TNC: variants seen among roughly 807,000 people sequenced by gnomAD.
The protein encoded by TNC is tenascin.
In TNC, 109 loss-of-function variants were observed where a neutral mutation model predicts 202.4. The observed-to-expected ratio is 0.54, with a 90% CI of 0.46 to 0.63. TNC has a LOEUF of 0.63. Among genes scored for constraint, TNC ranks in the 30% least tolerant of loss-of-function variants. The pLI is 0.00. For synonymous variants in TNC, 1,007 were observed against 1,089.7 expected (o/e 0.92, Z 1.50); for missense variants, 2,756 against 2,833.3 (o/e 0.97, Z 0.62).
rs575644293 is a variant in TNC at position 115,038,284 on chromosome 9, A to C, written c.5489T>G (p.Val1830Gly). ...ACCTTTCTCGCCTGTGTAGGAGATG[A>C]CATAACTGTCCACAGTGGCAATGGC... ...QPAIATVDSY[V>G]ISYTGEKVPE... The change falls in exon 20 of 28, where the codon GTC (valine) becomes GGC (glycine). Residue 1830 changes from valine (V) to glycine (G), a missense_variant. By Grantham distance (109) the Val-to-Gly change is moderately radical. Transcript: ENST00000350763. The C allele has an allele frequency of 1.2e-6, 2 of 1,613,988 alleles. No homozygotes were observed. Among genetic ancestry groups the C allele is most frequent in the Admixed American group, 1.7e-5 (1 of 60,016 alleles).
intron 10 of TNC, 78 bp downstream of exon 10, chr9:115,073,525 G>C (rs556640097): frequency 6.5e-7 from 1 of 1,533,376 alleles, no homozygotes; most frequent in Admixed American, 1.9e-5. Flanking sequence ...GCTTTCTCAT[G>C]TGAGGACACC....
chr9:115,046,599 C>T lies in TNC; in HGVS notation c.4936G>A (p.Val1646Ile), dbSNP rs1353597727. The T allele has an allele frequency of 8.1e-6, 13 of 1,613,908 alleles. No individual in the cohort carries two copies. The Admixed American group carries it at 1.5e-4, about 19-fold the overall frequency. The change falls in exon 17 of 28, where the codon GTC becomes ATC. Residue 1646 changes from valine (V) to isoleucine (I), a missense_variant. Physicochemically the swap from Val to Ile is conservative, Grantham distance 29. Around this residue, in one of 2 missense-constraint regions of TNC, gnomAD observed 2,559 missense variants for 2,546.0 expected, o/e 1.01. Coordinates refer to ENST00000350763, the MANE Select transcript of TNC (RefSeq NM_002160.4). ...ATTTTGAGAACAAAATTGTCGAAGA[C>T]CCCTTCATCAGCTGTCCAGGACAGA... Reference protein sequence around the residue: ...FRLSWTADEGVFDNFVLKIRD... With the variant: ...FRLSWTADEGIFDNFVLKIRD...
intron 12 of TNC, 46 bp downstream of exon 12, chr9:115,063,750 C>A: frequency 6.3e-7 from 1 of 1,575,766 alleles, no homozygotes; most frequent in South Asian, 1.2e-5. Context: ...TCCTCCCGAG[C>A]AGAGACAAAG....
In TNC at chr9:115,048,503, T is replaced by C. The variant is rs1421315565; in HGVS notation, c.4609A>G (p.Ile1537Val). The C allele has an allele frequency of 1.9e-6, 3 of 1,613,346 alleles. No individual in the cohort carries two copies. The highest frequency in any genetic ancestry group is 2.2e-5 in the East Asian group (1 of 44,878). ...AACCCGTAGGGATTAATGTCGGAAA[T>C]GGTTAGGTTTTCCAGAAGGGGCAGG... ...EALPLLENLT[I>V]SDINPYGFTV... Residue 1537 changes from isoleucine to valine, a missense_variant, in exon 16 of 28, where the codon ATT becomes GTT. Physicochemically the swap from Ile to Val is conservative, Grantham distance 29 (BLOSUM62 3). This residue lies in a region of TNC where 2,559 missense variants were observed against 2,546.0 expected (regional missense o/e 1.01). Coordinates refer to ENST00000350763, the MANE Select transcript of TNC (RefSeq NM_002160.4).
At chr9:115,027,328 G>A (rs940817887) in intron 25 of TNC, among the ~76,000 whole-genome samples, 1 of 151,612 alleles carries the variant, frequency 6.6e-6, no homozygotes, top group African/African-American at 2.4e-5. Context: ...GGTGGCTCAC[G>A]CCCATAATCC....
chr9:115,048,249 A>T lies in TNC; in HGVS notation c.4852+11T>A. 6.2e-7 allele frequency: 1 copy of T among 1,609,728 alleles called. No individual in the cohort carries two copies. The highest frequency in any genetic ancestry group is 8.5e-7 in the Non-Finnish European group (1 of 1,177,192). On this transcript the variant is annotated intron_variant, in intron 16 of 27. Coordinates refer to ENST00000350763, the MANE Select transcript of TNC (RefSeq NM_002160.4). Reference sequence around the variant, plus strand: ...GGAAGAGGAACAAATGGCTCACTTGATTTGAAATACCTGTAACAATCTCAG... The same window carrying T: ...GGAAGAGGAACAAATGGCTCACTTGTTTTGAAATACCTGTAACAATCTCAG...
chr9:115,037,854 T>G (rs1417632157), intron 20 of TNC, among the ~76,000 whole-genome samples: 1 of 152,258 alleles, frequency 6.6e-6, no homozygotes, highest in African/African-American at 2.4e-5. Flanking sequence ...TAATTAAATC[T>G]GCTAAAACTA....
intron 26 of TNC, 136 bp from the exon 27 acceptor site, chr9:115,024,272 G>T: frequency 2.4e-6 from 2 of 829,118 alleles, no homozygotes; most frequent in Non-Finnish European, 3.8e-6. Context: ...CCCAGAGTCA[G>T]CATTGAATGC....
rs145446426 is a variant in TNC at position 115,062,923 on chromosome 9, C to T, written c.4027G>A (p.Val1343Ile). Reference sequence around the variant, plus strand: ...TGGGAGGAGGGTCATATACCTGTGACGACCTCTACAGCAAGGGGTCGAGTG... The same window carrying T: ...TGGGAGGAGGGTCATATACCTGTGATGACCTCTACAGCAAGGGGTCGAGTG... ...HSTRPLAVEV[V>I]TEDLPQLGDL... The change falls in exon 13 of 28, where the codon GTC becomes ATC. Residue 1343 changes from valine to isoleucine, a missense_variant. Coordinates refer to ENST00000350763, the MANE Select transcript of TNC (RefSeq NM_002160.4). 5.3e-5 allele frequency: 85 copies of T among 1,612,484 alleles called. No individual in the cohort carries two copies. The highest frequency in any genetic ancestry group is 1.7e-4 in the Middle Eastern group (1 of 5,914).
chr9:115,100,706 A>T (rs1343148250), intron 1 of TNC, among the ~76,000 whole-genome samples: 1 of 152,174 alleles, frequency 6.6e-6, no homozygotes, highest in Non-Finnish European at 1.5e-5. Flanking sequence ...CAAATTTGCT[A>T]AGATAGTAGT....
intron 13 of TNC, among the ~76,000 whole-genome samples, chr9:115,060,259 C>T (rs919002467): frequency 2.0e-5 from 3 of 152,112 alleles, no homozygotes; most frequent in African/African-American, 7.2e-5. Context: ...ATGCACAACC[C>T]ACCGGGAGCA....
intron 10 of TNC, among the ~76,000 whole-genome samples, chr9:115,072,395 C>T (rs1833532349): frequency 6.6e-6 from 1 of 152,240 alleles, no homozygotes; most frequent in African/African-American, 2.4e-5. Flanking sequence ...CCTGTACCTC[C>T]CAGCTCCAGA....
rs1384884310 is a variant in TNC, at chr9:115,048,405, C to T, written c.4707G>A (p.Leu1569=). The change falls in exon 16 of 28, where the codon CTG becomes CTA. Residue 1569 remains leucine (L), a synonymous_variant. Transcript: ENST00000350763. ...AAAGTGTGAATTCCTGGGGGTCCAG[C>T]AGCTTCCCAGAATCCACCACCGTTA... ...FLVTVVDSGK[L]LDPQEFTLSG... The T allele has an allele frequency of 1.9e-6, 3 of 1,613,936 alleles. No individual in the cohort carries two copies. Among genetic ancestry groups the T allele is most frequent in the South Asian group, 2.2e-5 (2 of 91,078 alleles).
intron 10 of TNC, among the ~76,000 whole-genome samples, 163 bp from the exon 11 acceptor site, chr9:115,065,082 C>T (rs1369017195): frequency 2.0e-5 from 3 of 152,162 alleles, no homozygotes; most frequent in Non-Finnish European, 1.5e-5. Context: ...TATTAAAACA[C>T]CAGCAGGACA....
intron 14 of TNC, among the ~76,000 whole-genome samples, chr9:115,058,262 C>T (rs1325959673): frequency 1.3e-5 from 2 of 152,144 alleles, no homozygotes; most frequent in African/African-American, 4.8e-5. Context: ...GTTTGAAAAG[C>T]TAGTACTGTC....
intron 1 of TNC, among the ~76,000 whole-genome samples, chr9:115,091,620 G>A (rs1835242833): frequency 6.6e-6 from 1 of 152,150 alleles, no homozygotes; most frequent in South Asian, 2.1e-4. Flanking sequence ...GTGTTATAAA[G>A]GCCCTGGTCC....
chr9:115,048,213 G>A, intron 16 of TNC, 47 bp downstream of exon 16: 1 of 1,598,670 alleles, frequency 6.3e-7, no homozygotes, highest in Non-Finnish European at 8.5e-7. Flanking sequence ...AGATTACACA[G>A]AAGGGGACCA....
chr9:115,087,938 C>T (rs561683435), intron 2 of TNC, among the ~76,000 whole-genome samples: 5 of 152,044 alleles, frequency 3.3e-5, no homozygotes, highest in Non-Finnish European at 5.9e-5. Context: ...ATCCTGACCT[C>T]GTGATCTGCC....
Position 115,086,631 on chromosome 9 carries a change from A to G in TNC, c.1100T>C (p.Phe367Ser). ...CTTCTCGCTGCAGTCCACACCGGCA[A>G]AGCCCTCATCACATACACACTGCCC... is the stretch of plus-strand genomic sequence containing the variant. ...EEGQCVCDEG[F>S]AGVDCSEKRC... Residue 367 changes from phenylalanine to serine, a missense_variant, in exon 3 of 28, where the codon TTT becomes TCT. Phe to Ser is a radical substitution (Grantham distance 155). Around this residue, in one of 2 missense-constraint regions of TNC, gnomAD observed 2,559 missense variants for 2,546.0 expected, o/e 1.01. Transcript: ENST00000350763. The G allele has an allele frequency of 6.2e-7, 1 of 1,614,068 alleles. No homozygotes were observed. Among genetic ancestry groups the G allele is most frequent in the Non-Finnish European group, 8.5e-7 (1 of 1,180,024 alleles).
Sources: gnomAD v4.1 joint callset for allele counts (sites outside exome capture counted in the v4.1 genomes callset) on GRCh38, gnomAD v4.1.1 for gene constraint, gnomAD v4.1.1 regional missense constraint, MANE v1.5 for transcripts, NCBI Gene and HGNC (gene_info 2026-07-23, HGNC 2026-07-21) for gene names.